Variants in TENM4 observed in about 807,000 individuals in gnomAD.
The protein encoded by TENM4 is teneurin transmembrane protein 4, also known as teneurin-4.
Under a neutral mutation model 243.3 loss-of-function variants are expected in TENM4, and 82 were observed. The ratio of observed to expected loss-of-function variants is 0.34; its 90% CI spans 0.28 to 0.40. The LOEUF (loss-of-function observed/expected upper bound fraction) is 0.40, where lower values mean the gene tolerates loss of function less well. TENM4 is among the 10% of genes least tolerant of loss of function. The pLI is 1.00. For synonymous variants in TENM4, 1,412 were observed against 1,456.3 expected (o/e 0.97, Z 0.69); for missense variants, 3,138 against 3,673.3 (o/e 0.85, Z 3.77).
At chr11:79,273,992 T>G (rs1055904098) in intron 2 of TENM4, among the ~76,000 whole-genome samples, 2 of 152,122 alleles carry the variant, frequency 1.3e-5, no homozygotes, top group Non-Finnish European at 1.5e-5. Context: ...AATGCTGGCC[T>G]CCTCCTCAGC....
chr11:79,239,286 G>A (rs1369739932), intron 2 of TENM4, among the ~76,000 whole-genome samples: 1 of 152,198 alleles, frequency 6.6e-6, no homozygotes, highest in Non-Finnish European at 1.5e-5. Context: ...GAAGCAATAT[G>A]CTTTTTATCA....
chr11:78,922,251 T>C (rs1169407284), intron 6 of TENM4, among the ~76,000 whole-genome samples: 1 of 152,210 alleles, frequency 6.6e-6, no homozygotes, highest in Non-Finnish European at 1.5e-5. Context: ...AGAGACAGCA[T>C]GAGGAAAGGC....
chr11:79,206,175 C>T (rs1267542662), intron 3 of TENM4, among the ~76,000 whole-genome samples: 1 of 152,158 alleles, frequency 6.6e-6, no homozygotes, highest in Admixed American at 6.5e-5. Context: ...AAAAAGAAGG[C>T]AGAAGAAAAG....
At chr11:79,209,498 C>T (rs1182959629) in intron 3 of TENM4, among the ~76,000 whole-genome samples, 3 of 152,326 alleles carry the variant, frequency 2.0e-5, no homozygotes, top group South Asian at 4.1e-4. Flanking sequence ...TTCTTCTTCC[C>T]TAAGCCTATT....
intron 21 of TENM4, 42 bp from the exon 22 acceptor site, chr11:78,729,685 C>A: frequency 6.4e-7 from 1 of 1,559,698 alleles, no homozygotes; most frequent in Non-Finnish European, 8.7e-7. Context: ...CGGTCGTCGA[C>A]TCACCGAGTG....
chr11:79,010,035 C>T (rs1051625851), intron 6 of TENM4, among the ~76,000 whole-genome samples: 12 of 152,078 alleles, frequency 7.9e-5, no homozygotes, highest in Non-Finnish European at 7.4e-5. Flanking sequence ...CTGTAAGACC[C>T]GACTTTTTCC....
chr11:79,229,707 G>A (rs991342736), intron 2 of TENM4, among the ~76,000 whole-genome samples: 3 of 152,190 alleles, frequency 2.0e-5, no homozygotes, highest in Non-Finnish European at 4.4e-5. Flanking sequence ...CAGAATAGAA[G>A]CCTCATGACA....
At chr11:79,342,671 A>G (rs1857261163) in intron 1 of TENM4, among the ~76,000 whole-genome samples, 1 of 152,104 alleles carries the variant, frequency 6.6e-6, no homozygotes, top group Non-Finnish European at 1.5e-5. Context: ...CACTTAACTC[A>G]AAGTCATCAG....
chr11:79,397,311 C>A (rs1325222642), intron 1 of TENM4, among the ~76,000 whole-genome samples: 1 of 152,138 alleles, frequency 6.6e-6, no homozygotes, highest in East Asian at 1.9e-4. Context: ...TTAACATCCC[C>A]ATTTTGTAAG....
At chr11:79,270,774 G>A (rs1855954931) in intron 2 of TENM4, among the ~76,000 whole-genome samples, 1 of 152,176 alleles carries the variant, frequency 6.6e-6, no homozygotes, top group Non-Finnish European at 1.5e-5. Flanking sequence ...GCCTCAGGCT[G>A]CCTCTCTGTG....
At chr11:79,124,599 A>G (rs978016252) in intron 4 of TENM4, among the ~76,000 whole-genome samples, 2 of 149,644 alleles carry the variant, frequency 1.3e-5, no homozygotes, top group African/African-American at 4.9e-5. Flanking sequence ...TCATATATAT[A>G]TGTGTGTGTG....
chr11:78,798,842 C>G (rs1341008144), intron 15 of TENM4, among the ~76,000 whole-genome samples: 1 of 152,130 alleles, frequency 6.6e-6, no homozygotes, highest in Admixed American at 6.5e-5. Flanking sequence ...TCCATTTCCT[C>G]TCCCATCCCA....
intron 6 of TENM4, among the ~76,000 whole-genome samples, chr11:79,004,811 A>T (rs182056562): frequency 6.6e-6 from 1 of 152,096 alleles, no homozygotes; most frequent in Non-Finnish European, 1.5e-5. Flanking sequence ...TGAATCCAGG[A>T]GTTGGTTTTT....
At chr11:79,211,101 C>T (rs1468459303) in intron 3 of TENM4, among the ~76,000 whole-genome samples, 2 of 152,146 alleles carry the variant, frequency 1.3e-5, no homozygotes, top group African/African-American at 2.4e-5. Flanking sequence ...GAGTGCAGTT[C>T]AGCCTTGGGT....
chr11:78,852,934 G>A (rs78308881), intron 12 of TENM4, among the ~76,000 whole-genome samples: 11 of 149,326 alleles, frequency 7.4e-5, no homozygotes, highest in Non-Finnish European at 1.3e-4. Context: ...ATTTTTTTTT[G>A]TAGAAAGGAG....
chr11:79,020,819 C>T (rs75599394), intron 6 of TENM4, among the ~76,000 whole-genome samples: 3,930 of 152,234 alleles, frequency 0.026, 117 homozygotes, highest in East Asian at 0.075. Context: ...CAACCAACAT[C>T]GCTGAGCACC....
chr11:79,367,003 G>A (rs1391480481), intron 1 of TENM4, among the ~76,000 whole-genome samples: 1 of 152,082 alleles, frequency 6.6e-6, no homozygotes, highest in Admixed American at 6.5e-5. Context: ...AATACAATAG[G>A]TATCATTTAC....
At chr11:79,069,691 C>A in intron 5 of TENM4, 31 bp downstream of exon 5, 1 of 1,532,206 alleles carries the variant, frequency 6.5e-7, no homozygotes. Context: ...TCACCTGCGC[C>A]TGAGGCCCGC....
At chr11:79,076,568 A>G (rs1474336720) in intron 4 of TENM4, among the ~76,000 whole-genome samples, 1 of 152,168 alleles carries the variant, frequency 6.6e-6, no homozygotes, top group Non-Finnish European at 1.5e-5. Context: ...TACCTCCCAC[A>G]ACACGTGGGA....
Sources: gnomAD v4.1 joint callset for allele counts (sites outside exome capture counted in the v4.1 genomes callset) on GRCh38, gnomAD v4.1.1 for gene constraint, MANE v1.5 for transcripts, NCBI Gene and HGNC (gene_info 2026-07-23, HGNC 2026-07-21) for gene names.